ATXN7L1: variants seen among roughly 807,000 people sequenced by gnomAD.
ATXN7L1 encodes ataxin 7 like 1.
ATXN7L1 carries 15 observed loss-of-function variants against 70.8 expected under a neutral mutation model. The ratio of observed to expected loss-of-function variants is 0.21; its 90% CI spans 0.14 to 0.33. ATXN7L1 has a LOEUF of 0.33. ATXN7L1 is among the 10% of genes least tolerant of loss of function. The pLI is 1.00. For synonymous variants in ATXN7L1, 440 were observed against 445.1 expected, an observed-to-expected ratio of 0.99 and a Z score of 0.14; for missense variants, 975 against 1,097.1, an observed-to-expected ratio of 0.89 and a Z score of 1.57.
intron 2 of ATXN7L1, among the ~76,000 whole-genome samples, chr7:105,847,542 G>A (rs527320599): frequency 1.2e-4 from 18 of 152,336 alleles, no homozygotes; most frequent in African/African-American, 3.8e-4. Flanking sequence ...AGGTCCAGAT[G>A]TGGATGGTGC....
chr7:105,613,481 C>A, intron 10 of ATXN7L1: 1 of 1,106,794 alleles, frequency 9.0e-7, no homozygotes, highest in Non-Finnish European at 1.1e-6. Context: ...CTCTTAGCAA[C>A]AGAACTCTTT....
chr7:105,648,823 T>C (rs1378634800), intron 4 of ATXN7L1, among the ~76,000 whole-genome samples: 1 of 149,286 alleles, frequency 6.7e-6, no homozygotes, highest in African/African-American at 2.6e-5. Context: ...GGTTGGACTT[T>C]TTTTTCCATT....
rs1283335430 is a variant in ATXN7L1 at position 105,610,509 on chromosome 7, C to T, written c.2547+20G>A. On this transcript the variant is annotated intron_variant, in intron 11 of 11. Coordinates refer to ENST00000419735, the MANE Select transcript of ATXN7L1 (RefSeq NM_020725.2). ...ATGACCATATGAATTTTTGCCCCAC[C>T]CCCACCCTCAGTAACTTACCTGTCG... is the stretch of plus-strand genomic sequence containing the variant. The T allele has an allele frequency of 1.3e-6, 2 of 1,541,618 alleles. No homozygotes were observed. The highest frequency in any genetic ancestry group is 2.5e-5 in the East Asian group (1 of 40,808).
intron 6 of ATXN7L1, 33 bp downstream of exon 6, chr7:105,639,454 A>G (rs1229046413): frequency 6.6e-7 from 1 of 1,511,332 alleles, no homozygotes; most frequent in Admixed American, 2.0e-5. Context: ...CCCCAGCGAG[A>G]GCAGGAAGTA....
chr7:105,866,406 C>T (rs1817480732), intron 2 of ATXN7L1, among the ~76,000 whole-genome samples: 1 of 152,174 alleles, frequency 6.6e-6, no homozygotes, highest in Non-Finnish European at 1.5e-5. Context: ...TGAGAAACCA[C>T]AGGTACAAGG....
chr7:105,768,314 T>A (rs1004376979), intron 3 of ATXN7L1, among the ~76,000 whole-genome samples: 1 of 152,138 alleles, frequency 6.6e-6, no homozygotes, highest in South Asian at 2.1e-4. Flanking sequence ...AGGTAGGAGG[T>A]CATAGCAAGG....
At chr7:105,745,381 T>C (rs574368999) in intron 3 of ATXN7L1, among the ~76,000 whole-genome samples, 1 of 152,344 alleles carries the variant, frequency 6.6e-6, no homozygotes, top group South Asian at 2.1e-4. Context: ...TCTTTCCTCT[T>C]TCTCTTTTAA....
chr7:105,822,262 C>A (rs10245474), intron 2 of ATXN7L1, among the ~76,000 whole-genome samples: 38,373 of 152,110 alleles, frequency 0.25, 5,033 homozygotes, highest in Middle Eastern at 0.36. Flanking sequence ...CACAGCAAGA[C>A]CCTGTCTCCA....
intron 9 of ATXN7L1, among the ~76,000 whole-genome samples, chr7:105,619,232 C>T (rs188092296): frequency 1.2e-4 from 16 of 135,770 alleles, no homozygotes; most frequent in Admixed American, 1.6e-4. Context: ...ACTGCAAACT[C>T]TGCCTTCCGG....
At chr7:105,760,538 C>G (rs1329917381) in intron 3 of ATXN7L1, 1 of 985,774 alleles carries the variant, frequency 1.0e-6, no homozygotes, top group African/African-American at 1.7e-5. Context: ...AAATGTCACG[C>G]TCCAGCTATC....
intron 8 of ATXN7L1, among the ~76,000 whole-genome samples, chr7:105,621,578 G>A (rs1212641125): frequency 6.6e-6 from 1 of 152,176 alleles, no homozygotes; most frequent in Non-Finnish European, 1.5e-5. Context: ...TGAAATATTG[G>A]CATTCAGATG....
At chr7:105,765,237 G>A (rs535923742) in intron 3 of ATXN7L1, among the ~76,000 whole-genome samples, 1 of 152,072 alleles carries the variant, frequency 6.6e-6, no homozygotes, top group Admixed American at 6.5e-5. Context: ...AGGAGGCTGA[G>A]GCAGGAGAAT....
intron 7 of ATXN7L1, 43 bp from the exon 8 acceptor site, chr7:105,624,310 C>T (rs577943504): frequency 7.6e-6 from 10 of 1,318,344 alleles, no homozygotes; most frequent in Non-Finnish European, 9.8e-6. Context: ...ACCAAATGAA[C>T]CTTTTCTGAG....
Position 105,854,471 on chromosome 7 carries a change from GAAAA to G in ATXN7L1, c.250+21337_250+21340del, listed in dbSNP as rs59330079. ...TGTATTGGGTTTGAAAATTAGCTCT[GAAAA>G]AAAAAAAAAAAAAAGCATTTGAAAA... On this transcript the variant is annotated intron_variant, in intron 2 of 11. Coordinates refer to ENST00000419735, the MANE Select transcript of ATXN7L1 (RefSeq NM_020725.2). 8.2e-5 allele frequency among the ~76,000 whole-genome samples: 8 copies of G among 97,710 alleles called. No individual in the cohort carries two copies. In the East Asian group the frequency reaches 1.2e-3, roughly 15 times the overall value. The allele number at this position is 97,710 out of a possible 152,430, so 64.1% of individuals were successfully genotyped here. A position where few individuals can be genotyped will look rare whatever the true frequency, so the allele number is the denominator to read the frequency against.
chr7:105,672,010 G>A (rs1231664873), intron 3 of ATXN7L1, among the ~76,000 whole-genome samples: 3 of 151,152 alleles, frequency 2.0e-5, no homozygotes, highest in Admixed American at 6.6e-5. Context: ...AGGCACGGCC[G>A]GGCGTGGTGG....
intron 4 of ATXN7L1, among the ~76,000 whole-genome samples, chr7:105,653,864 T>A (rs1486312920): frequency 6.6e-6 from 1 of 152,078 alleles, no homozygotes; most frequent in Non-Finnish European, 1.5e-5. Context: ...CCTGCTGGTG[T>A]GCCCTCCCCC....
chr7:105,818,406 T>G (rs1809523289), intron 2 of ATXN7L1, among the ~76,000 whole-genome samples: 1 of 152,074 alleles, frequency 6.6e-6, no homozygotes, highest in Non-Finnish European at 1.5e-5. Flanking sequence ...TCCTCCCACC[T>G]CGGCCTCCCA....
chr7:105,691,079 T>C (rs1353209966), intron 3 of ATXN7L1, among the ~76,000 whole-genome samples: 1 of 152,188 alleles, frequency 6.6e-6, no homozygotes, highest in African/African-American at 2.4e-5. Context: ...TGTCTGTTCT[T>C]CCTCCGTCCC....
chr7:105,838,079 T>C (rs1812666591), intron 2 of ATXN7L1, among the ~76,000 whole-genome samples: 1 of 152,210 alleles, frequency 6.6e-6, no homozygotes, highest in Non-Finnish European at 1.5e-5. Flanking sequence ...TTACATTGGC[T>C]GTGTAGACAA....
Sources: gnomAD v4.1 joint callset for allele counts (sites outside exome capture counted in the v4.1 genomes callset) on GRCh38, gnomAD v4.1.1 for gene constraint, MANE v1.5 for transcripts, NCBI Gene and HGNC (gene_info 2026-07-23, HGNC 2026-07-21) for gene names.